KMO: variants seen among roughly 807,000 people sequenced by gnomAD.
The protein encoded by KMO is kynurenine 3-monooxygenase, also known as kynurenine 3-hydroxylase.
A neutral mutation model predicts 57.8 loss-of-function variants in KMO; 24 were observed. The ratio of observed to expected loss-of-function variants is 0.42; its 90% CI spans 0.30 to 0.58. KMO has a LOEUF of 0.58. Ranked by LOEUF, KMO falls within the 20% of genes least tolerant of loss-of-function variation. KMO has a pLI of 0.22. For missense variants in KMO, 483 were observed against 588.2 expected (o/e 0.82, Z 1.85); for synonymous variants, 210 against 193.6 (o/e 1.08, Z -0.70).
intron 10 of KMO, among the ~76,000 whole-genome samples, chr1:241,575,838 G>A (rs922070407): frequency 2.6e-5 from 4 of 151,852 alleles, no homozygotes; most frequent in Non-Finnish European, 4.4e-5. Flanking sequence ...AGATCATTGA[G>A]ACTTCTGTCT....
chr1:241,590,501 A>G (rs1334128709), intron 14 of KMO, among the ~76,000 whole-genome samples: 1 of 152,198 alleles, frequency 6.6e-6, no homozygotes, highest in Non-Finnish European at 1.5e-5. Flanking sequence ...TGATGCTAAT[A>G]TTTCTCAACT....
chr1:241,567,434 C>G (rs1000554788), intron 9 of KMO, among the ~76,000 whole-genome samples: 2 of 152,142 alleles, frequency 1.3e-5, no homozygotes, highest in Admixed American at 1.3e-4. Flanking sequence ...ACTAATCCCA[C>G]TAATGGGGGG....
intron 10 of KMO, among the ~76,000 whole-genome samples, chr1:241,580,822 G>T (rs948914394): frequency 3.3e-5 from 5 of 151,922 alleles, no homozygotes; most frequent in African/African-American, 1.2e-4. Context: ...CATGTATTCT[G>T]CCTTTTTTGG....
At chr1:241,578,981 A>G (rs1394802236) in intron 10 of KMO, among the ~76,000 whole-genome samples, 3 of 152,070 alleles carry the variant, frequency 2.0e-5, no homozygotes, top group African/African-American at 7.2e-5. Flanking sequence ...CTACCACGAG[A>G]ATTGTATGAG....
intron 3 of KMO, among the ~76,000 whole-genome samples, chr1:241,550,438 A>G (rs1346545036): frequency 6.6e-6 from 1 of 152,184 alleles, no homozygotes; most frequent in East Asian, 1.9e-4. Flanking sequence ...TTCACTGTCT[A>G]TGTTAGCTTG....
At chr1:241,589,384 T>C (rs955885858) in intron 12 of KMO, among the ~76,000 whole-genome samples, 1 of 152,170 alleles carries the variant, frequency 6.6e-6, no homozygotes, top group East Asian at 1.9e-4. Context: ...GTGATTATAG[T>C]TTTAAAATAA....
chr1:241,588,895 TC>T, intron 12 of KMO, 65 bp downstream of exon 12: 1 of 1,233,466 alleles, frequency 8.1e-7, no homozygotes. Flanking sequence ...AGTGTTCTTT[TC>T]TTTTTCTTTG....
chr1:241,589,766 T>C (rs1663171340), intron 12 of KMO, among the ~76,000 whole-genome samples: 1 of 152,232 alleles, frequency 6.6e-6, no homozygotes, highest in Non-Finnish European at 1.5e-5. Context: ...TGACTTCCTC[T>C]ATTGAACCCT....
At chr1:241,581,144 C>T (rs960559220) in intron 10 of KMO, among the ~76,000 whole-genome samples, 4 of 152,084 alleles carry the variant, frequency 2.6e-5, no homozygotes, top group Admixed American at 6.6e-5. Flanking sequence ...AGTATAGCAA[C>T]TCCTGCTCTT....
At chr1:241,571,938 C>A (rs748800703) in intron 10 of KMO, among the ~76,000 whole-genome samples, 1 of 138,882 alleles carries the variant, frequency 7.2e-6, no homozygotes, top group Non-Finnish European at 1.5e-5. Flanking sequence ...GCAATCTCTG[C>A]CGACTGCAAC....
At chr1:241,586,605 A>T (rs771438433) in intron 10 of KMO, 74 bp from the exon 11 acceptor site, 1 of 983,924 alleles carries the variant, frequency 1.0e-6, no homozygotes, top group Admixed American at 1.9e-5. Flanking sequence ...TGGAATATCT[A>T]TTCAAAATCA....
chr1:241,537,812 C>A (rs1021062213), intron 1 of KMO, among the ~76,000 whole-genome samples: 2 of 152,098 alleles, frequency 1.3e-5, no homozygotes, highest in African/African-American at 4.8e-5. Context: ...ACGAGAACAG[C>A]ATGGGAAAGA....
Position 241,549,706 on chromosome 1 carries a change from A to G in KMO, c.154A>G (p.Arg52Gly). Reference protein sequence around the residue: ...DTRVATFTRGRSINLALSHRG... With the variant: ...DTRVATFTRGGSINLALSHRG... ...TCGAGTGGCTACCTTCACACGTGGA[A>G]GAAGCATTAACTTAGCCCTTTCTCA... Residue 52 changes from arginine to glycine, a missense_variant, in exon 3 of 15, where the codon AGA becomes GGA. Arg to Gly is a moderately radical substitution (Grantham distance 125, BLOSUM62 -2). Around this residue, in one of 3 missense-constraint regions of KMO, gnomAD observed 70 missense variants for 78.4 expected, o/e 0.89. Coordinates refer to ENST00000366559, the MANE Select transcript of KMO (RefSeq NM_003679.5). 6.2e-7 allele frequency: 1 copy of G among 1,613,550 alleles called. No individual in the cohort carries two copies. The highest frequency in any genetic ancestry group is 8.5e-7 in the Non-Finnish European group (1 of 1,179,600).
At chr1:241,552,332 A>C (rs1661438632) in intron 4 of KMO, among the ~76,000 whole-genome samples, 1 of 152,134 alleles carries the variant, frequency 6.6e-6, no homozygotes, top group Non-Finnish European at 1.5e-5. Context: ...TTAAGAACTC[A>C]GTTTATGCAA....
At chr1:241,563,284 A>G (rs1162175652) in intron 7 of KMO, among the ~76,000 whole-genome samples, 1 of 152,226 alleles carries the variant, frequency 6.6e-6, no homozygotes, top group Non-Finnish European at 1.5e-5. Context: ...AATTGCTAAC[A>G]GAAACAATAA....
At chr1:241,567,234 C>G (rs1409728242) in intron 9 of KMO, among the ~76,000 whole-genome samples, 1 of 152,220 alleles carries the variant, frequency 6.6e-6, no homozygotes, top group African/African-American at 2.4e-5. Context: ...CTACCATAGA[C>G]TCGGTGGCTT....
At chr1:241,580,198 G>A (rs910325772) in intron 10 of KMO, among the ~76,000 whole-genome samples, 8 of 152,052 alleles carry the variant, frequency 5.3e-5, no homozygotes, top group East Asian at 1.9e-4. Context: ...GTTTCCTTCC[G>A]TTTTCCTGTT....
chr1:241,590,428 T>A (rs537618220), intron 14 of KMO, 165 bp downstream of exon 14: 13 of 571,594 alleles, frequency 2.3e-5, no homozygotes, highest in African/African-American at 2.1e-4. Flanking sequence ...CAGTGCTTAC[T>A]GAAAAACATT....
chr1:241,573,905 A>T (rs1031594808), intron 10 of KMO, among the ~76,000 whole-genome samples: 1 of 152,064 alleles, frequency 6.6e-6, no homozygotes, highest in Non-Finnish European at 1.5e-5. Context: ...ATGAACTTGG[A>T]ATGGGTTTCC....
Sources: allele counts gnomAD v4.1 joint callset (sites outside exome capture counted in the v4.1 genomes callset), GRCh38; gene constraint gnomAD v4.1.1; regional missense constraint gnomAD v4.1.1; transcripts MANE v1.5; gene names NCBI Gene and HGNC (gene_info 2026-07-23, HGNC 2026-07-21).